Variants in SYK observed in about 807,000 individuals in gnomAD.
SYK encodes tyrosine-protein kinase SYK.
Under a neutral mutation model 77.8 loss-of-function variants are expected in SYK, and 16 were observed. The ratio of observed to expected loss-of-function variants is 0.21; its 90% CI spans 0.14 to 0.31. The LOEUF (loss-of-function observed/expected upper bound fraction) is 0.31, where lower values mean the gene tolerates loss of function less well. Ranked by LOEUF, SYK falls within the 10% of genes least tolerant of loss-of-function variation. SYK has a pLI of 1.00. For synonymous variants in SYK, 312 were observed against 308.7 expected (o/e 1.01, Z -0.11); for missense variants, 529 against 814.4 (o/e 0.65, Z 4.26).
At chr9:90,874,398 C>T in intron 8 of SYK, 107 bp downstream of exon 8, 1 of 1,153,966 alleles carries the variant, frequency 8.7e-7, no homozygotes, top group Non-Finnish European at 1.3e-6. Flanking sequence ...GATTGCAATA[C>T]AGCCACAGTT....
intron 4 of SYK, among the ~76,000 whole-genome samples, chr9:90,863,609 G>A (rs1353438910): frequency 6.6e-6 from 1 of 152,040 alleles, no homozygotes; most frequent in Non-Finnish European, 1.5e-5. Context: ...ATTGCCATTT[G>A]TCATCATTAA....
chr9:90,855,694 G>A (rs1197720595), intron 3 of SYK, among the ~76,000 whole-genome samples: 4 of 152,084 alleles, frequency 2.6e-5, no homozygotes, highest in Non-Finnish European at 4.4e-5. Context: ...GTGTGGGTGT[G>A]TGTGAGAGAG....
At chr9:90,887,688 C>G in intron 11 of SYK, 61 bp from the exon 12 acceptor site, 1 of 1,532,356 alleles carries the variant, frequency 6.5e-7, no homozygotes, top group Non-Finnish European at 8.8e-7. Flanking sequence ...CAGGCATGAA[C>G]CAATGTGCCC....
chr9:90,872,953 A>G (rs1387479661), intron 7 of SYK, among the ~76,000 whole-genome samples: 1 of 152,226 alleles, frequency 6.6e-6, no homozygotes, highest in Non-Finnish European at 1.5e-5. Context: ...CTCTGTGACA[A>G]AACAGATCCC....
intron 1 of SYK, among the ~76,000 whole-genome samples, chr9:90,816,524 A>C (rs1825298466): frequency 6.6e-6 from 1 of 152,196 alleles, no homozygotes; most frequent in African/African-American, 2.4e-5. Context: ...TAATACTTAA[A>C]AATTTTTTGG....
At chr9:90,818,765 G>A (rs1459473055) in intron 1 of SYK, among the ~76,000 whole-genome samples, 1 of 152,262 alleles carries the variant, frequency 6.6e-6, no homozygotes, top group African/African-American at 2.4e-5. Flanking sequence ...GGATGAGGAA[G>A]TGGAGAGTAA....
In SYK at chr9:90,844,140, C is replaced by T. The variant is rs201374653; in HGVS notation, c.242C>T (p.Thr81Ile). 2.9e-5 allele frequency: 47 copies of T among 1,613,938 alleles called. No homozygotes were observed. The highest frequency in any genetic ancestry group is 3.6e-5 in the Non-Finnish European group (42 of 1,179,958). ...ACCTACGCCATCGCCGGTGGCAGGA[C>T]CCATGCCAGCCCCGCCGACCTCTGC... is the stretch of plus-strand genomic sequence containing the variant. ...NGTYAIAGGR[T>I]HASPADLCHY... Residue 81 changes from threonine (T) to isoleucine (I), a missense_variant, in exon 2 of 14, where the codon ACC (threonine) becomes ATC (isoleucine). This residue lies in a region of SYK where 321 missense variants were observed against 433.1 expected (regional missense o/e 0.74). Transcript: ENST00000375754.
chr9:90,851,082 C>T (rs1188946390), intron 3 of SYK, among the ~76,000 whole-genome samples: 2 of 152,194 alleles, frequency 1.3e-5, no homozygotes, highest in African/African-American at 4.8e-5. Context: ...GTTTTTCAAA[C>T]AAGAACTCGG....
intron 1 of SYK, among the ~76,000 whole-genome samples, chr9:90,839,782 G>A (rs1349638647): frequency 6.6e-6 from 1 of 152,178 alleles, no homozygotes; most frequent in Non-Finnish European, 1.5e-5. Flanking sequence ...ATCGGGGCCA[G>A]GTACACAGTG....
chr9:90,839,763 G>C (rs1360281332), intron 1 of SYK, among the ~76,000 whole-genome samples: 3 of 152,176 alleles, frequency 2.0e-5, no homozygotes, highest in Non-Finnish European at 1.5e-5. Flanking sequence ...CTGCAGAGGG[G>C]ACACAAGCAT....
At chr9:90,840,545 C>T (rs895136146) in intron 1 of SYK, among the ~76,000 whole-genome samples, 4 of 135,966 alleles carry the variant, frequency 2.9e-5, no homozygotes, top group East Asian at 2.1e-4. Context: ...GGTGAAACCC[C>T]GTCTCTTCTA....
rs1457954010 is a variant in SYK at position 90,844,204 on chromosome 9, C to T, written c.306C>T (p.Leu102=). 2 of 1,614,234 alleles carry T rather than the reference C, an allele frequency of 1.2e-6. No individual in the cohort carries two copies. Among genetic ancestry groups the T allele is most frequent in the Non-Finnish European group, 1.7e-6 (2 of 1,180,026 alleles). ...AGGAGTCTGATGGCCTGGTCTGCCT[C>T]CTCAAGAAGCCCTTCAACCGGCCCC... is the stretch of plus-strand genomic sequence containing the variant. ...HSQESDGLVC[L]LKKPFNRPQG... is the part of the protein sequence containing the mutation. Residue 102 remains leucine, a synonymous_variant, in exon 2 of 14, where the codon CTC becomes CTT. Coordinates refer to ENST00000375754, the MANE Select transcript of SYK (RefSeq NM_003177.7).
chr9:90,878,514 A>C (rs1828028370), intron 10 of SYK, among the ~76,000 whole-genome samples: 1 of 152,080 alleles, frequency 6.6e-6, no homozygotes, highest in Non-Finnish European at 1.5e-5. Flanking sequence ...AGGCCTGACT[A>C]CTCTGTTATA....
chr9:90,877,530 C>G (rs747636845), intron 9 of SYK, 41 bp from the exon 10 acceptor site: 3 of 1,603,160 alleles, frequency 1.9e-6, no homozygotes, highest in Non-Finnish European at 2.6e-6. Context: ...AGAAGTGAGG[C>G]ATTTTGGAAA....
chr9:90,896,478 C>T lies in SYK; in HGVS notation c.*878C>T. On this transcript the variant is annotated 3_prime_UTR_variant, in exon 14 of 14. Transcript: ENST00000375754. ...CTGAACGTGGTCCACACCTTCCTCT[C>T]CTCCACAGAGAGGGTGCCGCCAGAA... The T allele has an allele frequency of 4.3e-6, 1 of 233,206 alleles. No individual in the cohort carries two copies. The highest frequency in any genetic ancestry group is 2.2e-5 in the African/African-American group (1 of 45,484). 14.4% of individuals were successfully genotyped at this position (233,206 alleles called of 1,614,324 possible). A position where few individuals can be genotyped will look rare whatever the true frequency, so the allele number is the denominator to read the frequency against.
intron 11 of SYK, among the ~76,000 whole-genome samples, chr9:90,882,758 A>G (rs1828207551): frequency 6.6e-6 from 1 of 152,218 alleles, no homozygotes; most frequent in African/African-American, 2.4e-5. Flanking sequence ...AAGAGAGAAC[A>G]CAGATGCAAC....
chr9:90,836,133 A>G (rs951147753), intron 1 of SYK, among the ~76,000 whole-genome samples: 4 of 152,076 alleles, frequency 2.6e-5, no homozygotes, highest in Non-Finnish European at 4.4e-5. Flanking sequence ...CTAAACATAC[A>G]AAAGTTAGCC....
In SYK at chr9:90,865,073, A is replaced by G. The variant is rs200859639; in HGVS notation, c.822A>G (p.Pro274=). 1.2e-6 allele frequency: 2 copies of G among 1,614,208 alleles called. No homozygotes were observed. Among genetic ancestry groups the G allele is most frequent in the Non-Finnish European group, 1.7e-6 (2 of 1,180,034 alleles). Reference sequence around the variant, plus strand: ...GAAATGTTAATTTTGGAGGCCGTCCACAACTTCCAGGTTCCCATCCTGCGG... The same window carrying G: ...GAAATGTTAATTTTGGAGGCCGTCCGCAACTTCCAGGTTCCCATCCTGCGG... ...TQGNVNFGGR[P]QLPGSHPATW... Residue 274 remains proline (P), a synonymous_variant, in exon 6 of 14, where the codon CCA becomes CCG. Coordinates refer to ENST00000375754, the MANE Select transcript of SYK (RefSeq NM_003177.7).
chr9:90,896,695 C>T lies in SYK; in HGVS notation c.*1095C>T, dbSNP rs1829002331. 4.3e-6 allele frequency: 1 copy of T among 231,802 alleles called. No individual in the cohort carries two copies. The highest frequency in any genetic ancestry group is 1.8e-4 in the South Asian group (1 of 5,514). The allele number at this position is 231,802 out of a possible 1,614,324, so 14.4% of individuals were successfully genotyped here. A position where few individuals can be genotyped will look rare whatever the true frequency, so the allele number is the denominator to read the frequency against. The stretch of plus-strand genomic sequence containing the variant: ...TGATTTTCTGGTCTTAACTAATCCT[C>T]ATCTTCATGTTTGATCTTTAAGAAG... On this transcript the variant is annotated 3_prime_UTR_variant, in exon 14 of 14. Coordinates refer to ENST00000375754, the MANE Select transcript of SYK (RefSeq NM_003177.7).
Sources: allele counts gnomAD v4.1 joint callset (sites outside exome capture counted in the v4.1 genomes callset), GRCh38; gene constraint gnomAD v4.1.1; regional missense constraint gnomAD v4.1.1; transcripts MANE v1.5; gene names NCBI Gene and HGNC (gene_info 2026-07-23, HGNC 2026-07-21).